Variants in RERE observed in about 807,000 individuals in gnomAD.
RERE encodes the protein arginine-glutamic acid dipeptide repeats, also known as arginine-glutamic acid dipeptide repeats protein.
A neutral mutation model predicts 146.1 loss-of-function variants in RERE; 40 were observed. The observed-to-expected ratio is 0.27, with a 90% CI of 0.21 to 0.36. RERE has a LOEUF of 0.36. Ranked by LOEUF, RERE falls within the 10% of genes least tolerant of loss-of-function variation. The probability of loss-of-function intolerance (pLI) is 1.00; values close to 1 mark genes in which losing one functional copy is unlikely to be tolerated. For missense variants in RERE, 1,933 were observed against 2,138.7 expected (o/e 0.90, Z 1.90); for synonymous variants, 1,003 against 866.0 (o/e 1.16, Z -2.78).
chr1:8,611,511 A>AAACAAC (rs893334271), intron 4 of RERE, among the ~76,000 whole-genome samples: 1 of 152,172 alleles, frequency 6.6e-6, no homozygotes, highest in Non-Finnish European at 1.5e-5. Flanking sequence ...CTCAAAACAA[A>AAACAAC]AACAACAACA....
At chr1:8,766,399 A>C (rs1180695582) in intron 1 of RERE, among the ~76,000 whole-genome samples, 1 of 151,716 alleles carries the variant, frequency 6.6e-6, no homozygotes, top group Non-Finnish European at 1.5e-5. Context: ...AATTAGCTGG[A>C]TGTAGTGGCA....
At chr1:8,469,389 T>C (rs963233982) in intron 10 of RERE, among the ~76,000 whole-genome samples, 1 of 151,852 alleles carries the variant, frequency 6.6e-6, no homozygotes, top group Admixed American at 6.6e-5. Context: ...GAGGCTGAGG[T>C]TGGTGGATCA....
chr1:8,502,036 G>A (rs1645172533), intron 8 of RERE, among the ~76,000 whole-genome samples: 8 of 105,242 alleles, frequency 7.6e-5, no homozygotes, highest in Admixed American at 7.1e-4. Flanking sequence ...GAGGGAGGTG[G>A]GGGGGGTCAG....
Position 8,361,229 on chromosome 1 carries a change from G to A in RERE, c.2278C>T (p.Gln760Ter), listed in dbSNP as rs1641565884. The change falls in exon 18 of 23, where the codon CAG (glutamine) becomes TAG (stop). Residue 760 changes from glutamine to a stop codon, truncating the protein, a stop_gained. Transcript: ENST00000400908. LOFTEE classifies it high-confidence loss of function. Reference sequence around the variant, plus strand: ...GGCGTGGGCCCTGGCGTGGGCAGCTGAGGGGTCCCTGGAGGAGCTGAGGAG... The same window carrying A: ...GGCGTGGGCCCTGGCGTGGGCAGCTAAGGGGTCCCTGGAGGAGCTGAGGAG... ...APSSAPPGTP[Q>*]LPTPGPTPSA... The A allele has an allele frequency of 6.5e-7, 1 of 1,542,820 alleles. No individual in the cohort carries two copies. Among genetic ancestry groups the A allele is most frequent in the Non-Finnish European group, 8.7e-7 (1 of 1,148,570 alleles).
intron 1 of RERE, among the ~76,000 whole-genome samples, chr1:8,760,251 T>C (rs1379884398): frequency 1.3e-5 from 2 of 152,240 alleles, no homozygotes; most frequent in Non-Finnish European, 2.9e-5. Context: ...GGTCTTGAAC[T>C]CCTGACCTCA....
chr1:8,486,419 T>C (rs1176681291), intron 10 of RERE, among the ~76,000 whole-genome samples: 1 of 152,088 alleles, frequency 6.6e-6, no homozygotes, highest in African/African-American at 2.4e-5. Flanking sequence ...GCCCCAAGTA[T>C]CTGGAAATTA....
At chr1:8,469,337 G>A (rs1447965413) in intron 10 of RERE, among the ~76,000 whole-genome samples, 2 of 152,082 alleles carry the variant, frequency 1.3e-5, no homozygotes, top group East Asian at 3.9e-4. Context: ...TCAAAATCTT[G>A]GCTGGGCGCG....
intron 1 of RERE, among the ~76,000 whole-genome samples, chr1:8,739,780 T>C (rs925328007): frequency 6.6e-6 from 1 of 151,852 alleles, no homozygotes; most frequent in Non-Finnish European, 1.5e-5. Flanking sequence ...TAAGTATTTA[T>C]TGAATCCATC....
At chr1:8,696,946 C>CAA (rs78819107) in intron 1 of RERE, among the ~76,000 whole-genome samples, 5 of 143,742 alleles carry the variant, frequency 3.5e-5, no homozygotes, top group Non-Finnish European at 7.7e-5. Context: ...TTGAAATTAT[C>CAA]AAAAAAAAAA....
intron 7 of RERE, among the ~76,000 whole-genome samples, chr1:8,532,422 G>T (rs368978075): frequency 6.9e-6 from 1 of 144,962 alleles, no homozygotes; most frequent in African/African-American, 2.5e-5. Flanking sequence ...TTTATTTGGG[G>T]GGGGTCCGGG....
At chr1:8,594,578 C>A (rs1370162330) in intron 4 of RERE, among the ~76,000 whole-genome samples, 4 of 152,094 alleles carry the variant, frequency 2.6e-5, no homozygotes, top group African/African-American at 9.7e-5. Context: ...GAACTATGAG[C>A]AAATACTACA....
At position 8,440,031 on chromosome 1, in the gene RERE, G is replaced by A. The variant is rs189772357; in HGVS notation, c.1204-17224C>T. On this transcript the variant is annotated intron_variant, in intron 11 of 22. Transcript: ENST00000400908. ...AGAGGTTGCAGTGAGCTGAGATCGCGCCATTACACTCCAGCCTGGGCAACA... is the reference window on the plus strand; with the variant it reads ...AGAGGTTGCAGTGAGCTGAGATCGCACCATTACACTCCAGCCTGGGCAACA... Among the ~76,000 whole-genome samples the A allele has an allele frequency of 8.5e-5, 13 of 152,194 alleles. No individual in the cohort carries two copies. The South Asian group carries it at 2.5e-3, about 29-fold the overall frequency.
At chr1:8,434,919 C>T (rs1644147650) in intron 11 of RERE, 1 of 152,232 alleles carries the variant, frequency 6.6e-6, no homozygotes, top group Non-Finnish European at 1.5e-5. Context: ...TTGACTGCAA[C>T]CTCGTGAAAG....
At chr1:8,405,437 T>G (rs1643411267) in intron 12 of RERE, among the ~76,000 whole-genome samples, 1 of 152,120 alleles carries the variant, frequency 6.6e-6, no homozygotes, top group African/African-American at 2.4e-5. Context: ...CAAAAATGAC[T>G]CCATAGATAC....
intron 12 of RERE, among the ~76,000 whole-genome samples, chr1:8,407,624 T>C (rs1442818871): frequency 6.6e-6 from 1 of 152,116 alleles, no homozygotes. Context: ...GTGCCATTTT[T>C]AGTATCACCG....
At chr1:8,794,030 T>C (rs1361072830) in intron 1 of RERE, among the ~76,000 whole-genome samples, 1 of 150,704 alleles carries the variant, frequency 6.6e-6, no homozygotes, top group Non-Finnish European at 1.5e-5. Flanking sequence ...ATCGTACCAC[T>C]GCACTCCAGC....
intron 4 of RERE, among the ~76,000 whole-genome samples, chr1:8,611,925 C>T (rs1646798285): frequency 6.6e-6 from 1 of 152,182 alleles, no homozygotes; most frequent in Non-Finnish European, 1.5e-5. Flanking sequence ...TCACTACTCC[C>T]TCCCCACCAC....
chr1:8,596,842 A>C (rs980743232), intron 4 of RERE, among the ~76,000 whole-genome samples: 1 of 152,058 alleles, frequency 6.6e-6, no homozygotes, highest in Non-Finnish European at 1.5e-5. Context: ...GAATTAACTG[A>C]AAAGATTTAC....
intron 2 of RERE, among the ~76,000 whole-genome samples, chr1:8,644,387 C>T (rs182661847): frequency 2.4e-4 from 37 of 152,232 alleles, no homozygotes; most frequent in Admixed American, 1.4e-3. Flanking sequence ...AGTACCTGAA[C>T]GCTCTCGTTC....
Sources: allele counts gnomAD v4.1 joint callset (sites outside exome capture counted in the v4.1 genomes callset), GRCh38; gene constraint gnomAD v4.1.1; transcripts MANE v1.5; gene names NCBI Gene and HGNC (gene_info 2026-07-23, HGNC 2026-07-21).